Variants in DEPDC5 observed in about 807,000 individuals in gnomAD.
DEPDC5 encodes the protein GATOR1 complex protein DEPDC5.
A neutral mutation model predicts 217.3 loss-of-function variants in DEPDC5; 73 were observed. The ratio of observed to expected loss-of-function variants is 0.34; its 90% CI spans 0.28 to 0.41. DEPDC5 has a LOEUF of 0.41. Among genes scored for constraint, DEPDC5 ranks in the 10% least tolerant of loss-of-function variants. DEPDC5 has a pLI of 1.00. For synonymous variants in DEPDC5, 733 were observed against 756.7 expected (o/e 0.97, Z 0.51); for missense variants, 1,675 against 2,070.1 (o/e 0.81, Z 3.70).
chr22:31,857,225 C>T (rs970208836), intron 31 of DEPDC5, among the ~76,000 whole-genome samples: 2 of 152,172 alleles, frequency 1.3e-5, no homozygotes, highest in African/African-American at 4.8e-5. Flanking sequence ...TGCCAGAATG[C>T]TTTTAAAGTT....
At chr22:31,872,065 T>C (rs771627990) in intron 34 of DEPDC5, among the ~76,000 whole-genome samples, 18 of 152,246 alleles carry the variant, frequency 1.2e-4, no homozygotes, top group Non-Finnish European at 1.3e-4. Flanking sequence ...TCATGAAGAG[T>C]AGTCTGGGAC....
chr22:31,839,799 C>T (rs1372312696), intron 27 of DEPDC5, among the ~76,000 whole-genome samples: 1 of 152,104 alleles, frequency 6.6e-6, no homozygotes, highest in Non-Finnish European at 1.5e-5. Context: ...TTGTCCTCCA[C>T]AATGGAAACT....
rs1064796158 is a variant in DEPDC5, at chr22:31,792,802, A to G, written c.752A>G (p.Tyr251Cys). The G allele has an allele frequency of 3.2e-6, 5 of 1,539,636 alleles. No homozygotes were observed. The highest frequency in any genetic ancestry group is 4.3e-6 in the Non-Finnish European group (5 of 1,154,720). ...CGACAGGATCACAAGGGGAGATTCT[A>G]TGAAGACTTTTACAAGTATGTTTGG... ...SIRQDHKGRF[Y>C]EDFYKVVVQN... Residue 251 changes from tyrosine (Y) to cysteine (C), a missense_variant, in exon 12 of 43, where the codon TAT becomes TGT. By Grantham distance (194) the Tyr-to-Cys change is radical (BLOSUM62 -2). Transcript: ENST00000651528.
intron 24 of DEPDC5, among the ~76,000 whole-genome samples, chr22:31,825,599 T>C (rs2090079353): frequency 6.6e-6 from 1 of 152,170 alleles, no homozygotes; most frequent in African/African-American, 2.4e-5. Context: ...CTTCTTCTGA[T>C]TGGCTCCTCA....
At chr22:31,870,044 C>T (rs559317713) in intron 33 of DEPDC5, among the ~76,000 whole-genome samples, 2 of 152,246 alleles carry the variant, frequency 1.3e-5, no homozygotes, top group South Asian at 2.1e-4. Context: ...GAGAAGAGAG[C>T]TATCAGATGG....
intron 7 of DEPDC5, among the ~76,000 whole-genome samples, chr22:31,770,107 G>T (rs2083203053): frequency 6.7e-6 from 1 of 149,772 alleles, no homozygotes; most frequent in South Asian, 2.1e-4. Flanking sequence ...GGTGGTGTGC[G>T]ACTGTAGTCC....
chr22:31,814,669 A>C, intron 20 of DEPDC5: 1 of 325,502 alleles, frequency 3.1e-6, no homozygotes, highest in Non-Finnish European at 5.8e-6. Context: ...CCCACATCAC[A>C]TCATACCTCT....
At chr22:31,791,961 A>C in intron 10 of DEPDC5, 72 bp from the exon 11 acceptor site, 1 of 572,054 alleles carries the variant, frequency 1.7e-6, no homozygotes, top group Admixed American at 2.8e-5. Context: ...AGAATATTAT[A>C]TGCATGCAGT....
chr22:31,899,644 G>A (rs1023904953), intron 40 of DEPDC5, among the ~76,000 whole-genome samples: 1 of 152,066 alleles, frequency 6.6e-6, no homozygotes, highest in Non-Finnish European at 1.5e-5. Flanking sequence ...TGCCCGCCTC[G>A]GCTTCCCAAA....
chr22:31,892,542 G>T (rs1218291792), intron 38 of DEPDC5, among the ~76,000 whole-genome samples: 1 of 152,132 alleles, frequency 6.6e-6, no homozygotes, highest in Admixed American at 6.6e-5. Flanking sequence ...AAATTAGCCG[G>T]GTGTGGTGGC....
intron 29 of DEPDC5, 101 bp downstream of exon 29, chr22:31,843,913 T>C: frequency 7.7e-6 from 5 of 649,490 alleles, no homozygotes; most frequent in Non-Finnish European, 1.0e-5. Context: ...TCCCTTTTTC[T>C]TTTTTTTTTT....
chr22:31,819,276 G>C, intron 22 of DEPDC5, 51 bp downstream of exon 22: 1 of 1,596,774 alleles, frequency 6.3e-7, no homozygotes, highest in Non-Finnish European at 8.6e-7. Context: ...CCTAGCCCTG[G>C]TCCTCAGTGT....
chr22:31,886,034 A>G (rs1277747184), intron 38 of DEPDC5, among the ~76,000 whole-genome samples: 1 of 140,070 alleles, frequency 7.1e-6, no homozygotes, highest in Admixed American at 7.0e-5. Context: ...CTCCCTCTCA[A>G]AAAAAAAAAA....
At chr22:31,781,997 C>T (rs1368138142) in intron 8 of DEPDC5, among the ~76,000 whole-genome samples, 1 of 152,128 alleles carries the variant, frequency 6.6e-6, no homozygotes, top group Non-Finnish European at 1.5e-5. Flanking sequence ...TGCCACTGCA[C>T]TCCTACCTGG....
chr22:31,834,723 G>T (rs1286013778), intron 25 of DEPDC5, among the ~76,000 whole-genome samples: 1 of 152,036 alleles, frequency 6.6e-6, no homozygotes, highest in African/African-American at 2.4e-5. Flanking sequence ...CACCATGTTG[G>T]TTAGGCTGGT....
intron 33 of DEPDC5, among the ~76,000 whole-genome samples, chr22:31,862,270 A>G (rs1027371759): frequency 6.6e-6 from 1 of 151,440 alleles, no homozygotes; most frequent in African/African-American, 2.4e-5. Flanking sequence ...ATAAAAATAA[A>G]AGATTTGGAC....
intron 31 of DEPDC5, among the ~76,000 whole-genome samples, chr22:31,849,623 A>G (rs140498757): frequency 0.043 from 6,598 of 152,098 alleles, 202 homozygotes; most frequent in Non-Finnish European, 0.05. Context: ...TCTACTAATA[A>G]TACAAAAATT....
intron 10 of DEPDC5, among the ~76,000 whole-genome samples, chr22:31,788,170 A>G (rs1410472300): frequency 6.6e-6 from 1 of 152,100 alleles, no homozygotes; most frequent in Non-Finnish European, 1.5e-5. Context: ...ATGTCCAACA[A>G]GTACATGAAA....
intron 28 of DEPDC5, 101 bp downstream of exon 28, chr22:31,843,313 G>A: frequency 7.9e-7 from 1 of 1,261,944 alleles, no homozygotes; most frequent in South Asian, 1.5e-5. Context: ...GAAGTTCAGT[G>A]GTTGGTTTTT....
Sources: gnomAD v4.1 joint callset for allele counts (sites outside exome capture counted in the v4.1 genomes callset) on GRCh38, gnomAD v4.1.1 for gene constraint, MANE v1.5 for transcripts, NCBI Gene and HGNC (gene_info 2026-07-23, HGNC 2026-07-21) for gene names.